Variants in PKHD1L1 observed in about 807,000 individuals in gnomAD.
PKHD1L1 encodes the protein PKHD1 like 1, also known as fibrocystin-L.
Under a neutral mutation model 462.9 loss-of-function variants are expected in PKHD1L1, and 434 were observed. The observed-to-expected ratio is 0.94, with a 90% CI of 0.87 to 1.02. PKHD1L1 has a LOEUF of 1.02. Ranked by LOEUF, PKHD1L1 falls within the 50% of genes least tolerant of loss-of-function variation. PKHD1L1 has a pLI of 0.00. For missense variants in PKHD1L1, 5,202 were observed against 5,096.1 expected, an observed-to-expected ratio of 1.02 and a Z score of -0.63; for synonymous variants, 1,781 against 1,750.0, an observed-to-expected ratio of 1.02 and a Z score of -0.44.
chr8:109,447,609 T>C (rs1326185414), intron 38 of PKHD1L1, among the ~76,000 whole-genome samples: 1 of 152,222 alleles, frequency 6.6e-6, no homozygotes, highest in African/African-American at 2.4e-5. Flanking sequence ...TACAAGTCTT[T>C]AAATTAATTC....
chr8:109,520,146 A>G (rs1308668474), intron 73 of PKHD1L1, among the ~76,000 whole-genome samples: 1 of 152,134 alleles, frequency 6.6e-6, no homozygotes, highest in African/African-American at 2.4e-5. Flanking sequence ...TAGGAAGCCT[A>G]GGCTTGTGTT....
chr8:109,499,474 T>C (rs1819291128), intron 67 of PKHD1L1, among the ~76,000 whole-genome samples: 1 of 152,214 alleles, frequency 6.6e-6, no homozygotes, highest in Non-Finnish European at 1.5e-5. Context: ...TAAGTGTTAA[T>C]TGCAATGCTC....
intron 37 of PKHD1L1, among the ~76,000 whole-genome samples, 175 bp downstream of exon 37, chr8:109,444,077 A>T (rs1419230536): frequency 6.6e-6 from 1 of 151,822 alleles, no homozygotes; most frequent in East Asian, 1.9e-4. Context: ...CAGAGTTGGC[A>T]TTCATCACAC....
In PKHD1L1 at chr8:109,435,340, C is replaced by A. The variant is rs1370634074; in HGVS notation, c.3491C>A (p.Ser1164Tyr). Residue 1164 changes from serine to tyrosine, a missense_variant, in exon 29 of 78, where the codon TCT becomes TAT. By Grantham distance (144) the Ser-to-Tyr change is moderately radical. Coordinates refer to ENST00000378402, the MANE Select transcript of PKHD1L1 (RefSeq NM_177531.6). ...CAGATCTCACATATCTGGCCTGATT[C>A]TGGAAGCATAGCAGGTAATGGTTAA... ...QSQISHIWPD[S>Y]GSIAGGTLLT... The A allele has an allele frequency of 2.5e-6, 4 of 1,612,008 alleles. No homozygotes were observed. Among genetic ancestry groups the A allele is most frequent in the Non-Finnish European group, 3.4e-6 (4 of 1,178,950 alleles).
chr8:109,520,850 G>T (rs1030937901), intron 73 of PKHD1L1, among the ~76,000 whole-genome samples: 1 of 152,156 alleles, frequency 6.6e-6, no homozygotes, highest in Non-Finnish European at 1.5e-5. Flanking sequence ...CAGCAGAAAT[G>T]AATGCCCTCA....
rs1317010014 is a variant in PKHD1L1, at chr8:109,464,758, GCCTGCA to G, written c.7933_7938del (p.Pro2645_Ala2646del). On this transcript the variant is annotated inframe_deletion, in exon 49 of 78. Transcript: ENST00000378402. ...AAACGGGATCTTGTACATCTACAGTGCCTGCACCTGCAATATTTAACTCACTTACTA... is the reference window on the plus strand; with the variant it reads ...AAACGGGATCTTGTACATCTACAGTGCCTGCAATATTTAACTCACTTACTA... The G allele has an allele frequency of 6.2e-7, 1 of 1,613,820 alleles. No homozygotes were observed. The highest frequency in any genetic ancestry group is 1.1e-5 in the South Asian group (1 of 91,086).
At position 109,406,550 on chromosome 8, in the gene PKHD1L1, A is replaced by C. The variant is rs1031847874; in HGVS notation, c.1813+72A>C. On this transcript the variant is annotated intron_variant, in intron 17 of 77. Coordinates refer to ENST00000378402, the MANE Select transcript of PKHD1L1 (RefSeq NM_177531.6). ...TCCTGTGCCACTCTAAAAGTTCCAT[A>C]AGATGACAGAGAAAAAGACTTGGTT... 21 of 1,412,800 alleles carry C rather than the reference A, an allele frequency of 1.5e-5. No individual in the cohort carries two copies. In the African/African-American group the frequency reaches 2.9e-4, roughly 20 times the overall value. The allele number at this position is 1,412,800 out of a possible 1,614,324, so 87.5% of individuals were successfully genotyped here. A position where few individuals can be genotyped will look rare whatever the true frequency, so the allele number is the denominator to read the frequency against.
Position 109,466,812 on chromosome 8 carries a change from C to T in PKHD1L1, c.8605+43C>T, listed in dbSNP as rs570624043. ...GTTTAAACAACTAATTTAAATATAT[C>T]TTCCTAAACTTTTGTCATCATCTTC... On this transcript the variant is annotated intron_variant, in intron 50 of 77. Coordinates refer to ENST00000378402, the MANE Select transcript of PKHD1L1 (RefSeq NM_177531.6). The T allele has an allele frequency of 5.7e-5, 86 of 1,500,538 alleles. 1 individual carries two copies. The South Asian group carries it at 5.8e-4, about 10-fold the overall frequency. The allele number at this position is 1,500,538 out of a possible 1,614,324, so 93.0% of individuals were successfully genotyped here.
intron 36 of PKHD1L1, 55 bp from the exon 37 acceptor site, chr8:109,443,621 A>G (rs1815938677): frequency 3.0e-6 from 4 of 1,330,934 alleles, no homozygotes; most frequent in East Asian, 4.8e-5. Context: ...GTTTGAAAAC[A>G]GTTATCATTT....
At chr8:109,479,666 A>G in intron 54 of PKHD1L1, 27 bp downstream of exon 54, 1 of 1,370,206 alleles carries the variant, frequency 7.3e-7, no homozygotes, top group South Asian at 1.3e-5. Flanking sequence ...AAATGAATGA[A>G]ATGTTTGTTT....
intron 8 of PKHD1L1, 100 bp downstream of exon 8, chr8:109,389,252 A>G: frequency 1.1e-6 from 1 of 884,838 alleles, no homozygotes. Context: ...CTTTTGGATC[A>G]GGTGTTTTTG....
At position 109,454,736 on chromosome 8, in the gene PKHD1L1, C is replaced by T. The variant is rs193042469; in HGVS notation, c.6758C>T (p.Thr2253Ile). The change falls in exon 45 of 78, where the codon ACA becomes ATA. Residue 2253 changes from threonine to isoleucine, a missense_variant. Transcript: ENST00000378402. ...CATCTTTTGCAGATTGGAACAGAGA[C>T]ATCCCCATTCCAACACAAGGCTGTC... The part of the protein sequence containing the change: ...DGGVLQIGTE[T>I]SPFQHKAVIT... 1.7e-5 allele frequency: 27 copies of T among 1,613,760 alleles called. No individual in the cohort carries two copies. The East Asian group carries it at 5.8e-4, about 35-fold the overall frequency.
chr8:109,508,858 C>T (rs1009711159), intron 70 of PKHD1L1, among the ~76,000 whole-genome samples: 13 of 152,178 alleles, frequency 8.5e-5, no homozygotes, highest in African/African-American at 3.1e-4. Context: ...AAGGTAATGG[C>T]CTCCATGAGG....
intron 21 of PKHD1L1, among the ~76,000 whole-genome samples, chr8:109,415,581 C>A (rs1197788293): frequency 6.6e-6 from 1 of 151,844 alleles, no homozygotes; most frequent in Non-Finnish European, 1.5e-5. Context: ...AAAGATGGGA[C>A]CAGGCAGGTG....
intron 13 of PKHD1L1, 139 bp downstream of exon 13, chr8:109,400,483 T>C: frequency 1.0e-6 from 1 of 1,003,940 alleles, no homozygotes; most frequent in Non-Finnish European, 1.4e-6. Flanking sequence ...TCTTGGCTAT[T>C]ATCCTGGATA....
chr8:109,409,017 A>G (rs1359071784), intron 18 of PKHD1L1, among the ~76,000 whole-genome samples: 2 of 152,212 alleles, frequency 1.3e-5, no homozygotes, highest in Non-Finnish European at 2.9e-5. Context: ...CTTGTGAGTT[A>G]CAACATTTTG....
Position 109,442,118 on chromosome 8 carries a change from T to A in PKHD1L1, c.4316T>A (p.Ile1439Asn), listed in dbSNP as rs1384587856. The A allele has an allele frequency of 6.2e-7, 1 of 1,613,408 alleles. No individual in the cohort carries two copies. Among genetic ancestry groups the A allele is most frequent in the Non-Finnish European group, 8.5e-7 (1 of 1,179,564 alleles). ...TTTCTTAGAGGGATAGGATATAGGATTTTTTCTGTCTCCAGTCCTGGAAGT... is the reference window on the plus strand; with the variant it reads ...TTTCTTAGAGGGATAGGATATAGGAATTTTTCTGTCTCCAGTCCTGGAAGT... ...HPFLRGIGYRIFSVSSPGSVI... is the reference protein window; with the variant it reads ...HPFLRGIGYRNFSVSSPGSVI... Residue 1439 changes from isoleucine to asparagine, a missense_variant, in exon 35 of 78, where the codon ATT becomes AAT. Transcript: ENST00000378402.
At position 109,364,547 on chromosome 8, in the gene PKHD1L1, A is replaced by C; in HGVS notation, c.74A>C (p.Asp25Ala). ...LLLCAADPST[D>A]GSQIIPKVTE... ...TCTACTGTATTTTAATATTTTTCAG[A>C]TGGCTCTCAAATAATCCCCAAAGTC... Residue 25 changes from aspartate to alanine, a missense_variant and splice_region_variant, in exon 2 of 78, where the codon GAT becomes GCT. Asp to Ala is a moderately radical substitution (Grantham distance 126, BLOSUM62 -2). Transcript: ENST00000378402. The C allele has an allele frequency of 6.3e-7, 1 of 1,577,202 alleles. No homozygotes were observed. The highest frequency in any genetic ancestry group is 8.7e-7 in the Non-Finnish European group (1 of 1,154,012).
At chr8:109,372,903 T>A (rs1811591108) in intron 2 of PKHD1L1, among the ~76,000 whole-genome samples, 1 of 152,208 alleles carries the variant, frequency 6.6e-6, no homozygotes, top group African/African-American at 2.4e-5. Context: ...TGGATTTGGT[T>A]TGCCAGTATT....
Sources: allele counts gnomAD v4.1 joint callset (sites outside exome capture counted in the v4.1 genomes callset), GRCh38; gene constraint gnomAD v4.1.1; transcripts MANE v1.5; gene names NCBI Gene and HGNC (gene_info 2026-07-23, HGNC 2026-07-21).